The following FLNB variants were observed in gnomAD, a reference collection of about 807,000 sequenced individuals.
FLNB encodes the protein filamin-B.
Under a neutral mutation model 250.6 loss-of-function variants are expected in FLNB, and 111 were observed. The ratio of observed to expected loss-of-function variants is 0.44; its 90% CI spans 0.38 to 0.52. The LOEUF is 0.52. Ranked by LOEUF, FLNB falls within the 20% of genes least tolerant of loss-of-function variation. The pLI, the probability that FLNB is intolerant of heterozygous loss-of-function variation, is 0.00. For synonymous variants in FLNB, 1,302 were observed against 1,372.1 expected, an observed-to-expected ratio of 0.95 and a Z score of 1.13; for missense variants, 2,869 against 3,447.8, an observed-to-expected ratio of 0.83 and a Z score of 4.20.
At chr3:58,106,897 T>C (rs1262483374) in intron 12 of FLNB, 24 bp downstream of exon 12, 1 of 1,607,622 alleles carries the variant, frequency 6.2e-7, no homozygotes, top group African/African-American at 1.3e-5. Flanking sequence ...TGTGCTTCTG[T>C]CTTCTTGTCC....
chr3:58,095,716 A>G (rs976115287), intron 5 of FLNB, among the ~76,000 whole-genome samples: 1 of 152,228 alleles, frequency 6.6e-6, no homozygotes, highest in Non-Finnish European at 1.5e-5. Context: ...GGCATTTAGC[A>G]TAATTTGCAA....
At chr3:58,131,587 C>T (rs962427243) in intron 25 of FLNB, among the ~76,000 whole-genome samples, 10 of 152,204 alleles carry the variant, frequency 6.6e-5, no homozygotes, top group Admixed American at 1.3e-4. Context: ...TAATTTCTTA[C>T]GTAATCTGGA....
At chr3:58,020,230 G>A (rs1407898907) in intron 1 of FLNB, among the ~76,000 whole-genome samples, 3 of 152,108 alleles carry the variant, frequency 2.0e-5, no homozygotes, top group Non-Finnish European at 4.4e-5. Flanking sequence ...CTGGTGGGAG[G>A]GTGTGCTGGG....
chr3:58,049,776 T>G (rs1211683758), intron 1 of FLNB, among the ~76,000 whole-genome samples: 1 of 152,058 alleles, frequency 6.6e-6, no homozygotes, highest in Non-Finnish European at 1.5e-5. Context: ...AAAGGGGGTG[T>G]CAGGACTGTT....
chr3:58,082,177 GC>G (rs1171263291), intron 4 of FLNB, among the ~76,000 whole-genome samples: 2 of 152,164 alleles, frequency 1.3e-5, no homozygotes, highest in Non-Finnish European at 2.9e-5. Flanking sequence ...CAGATTTCCA[GC>G]CGGAGTGGGA....
intron 1 of FLNB, among the ~76,000 whole-genome samples, chr3:58,019,271 G>C (rs2106704140): frequency 6.6e-6 from 1 of 152,304 alleles, no homozygotes; most frequent in South Asian, 2.1e-4. Flanking sequence ...GTACGCCAAT[G>C]AGAATTCCTG....
chr3:58,147,642 C>T (rs531162816), intron 34 of FLNB, among the ~76,000 whole-genome samples: 2 of 152,282 alleles, frequency 1.3e-5, no homozygotes, highest in Admixed American at 1.3e-4. Context: ...GAGGTGCCTT[C>T]AACTAACAAA....
chr3:58,132,778 G>A (rs763820847), intron 25 of FLNB, 30 bp from the exon 26 acceptor site: 1 of 1,613,976 alleles, frequency 6.2e-7, no homozygotes. Flanking sequence ...AGGCCAGGCA[G>A]CTCCTTAAAC....
intron 8 of FLNB, 22 bp from the exon 9 acceptor site, chr3:58,102,181 G>A (rs948928893): frequency 1.2e-6 from 2 of 1,613,950 alleles, no homozygotes; most frequent in African/African-American, 1.3e-5. Flanking sequence ...AGATTGAATT[G>A]ATGTCAAAAC....
At chr3:58,082,774 CA>C (rs11325453) in intron 4 of FLNB, among the ~76,000 whole-genome samples, 67,140 of 142,062 alleles carry the variant, frequency 0.47, 16,799 homozygotes, top group East Asian at 0.94. Context: ...GCCTCCGTCT[CA>C]AAAAAAAAAA....
chr3:58,114,197 C>A (rs1430101913), intron 18 of FLNB, among the ~76,000 whole-genome samples: 1 of 152,166 alleles, frequency 6.6e-6, no homozygotes, highest in East Asian at 1.9e-4. Context: ...CCTCTGTCTC[C>A]TGGGTTCAAG....
chr3:58,095,219 G>GTGTATTTA (rs1252282632), intron 5 of FLNB, among the ~76,000 whole-genome samples: 1 of 95,434 alleles, frequency 1.0e-5, no homozygotes, highest in African/African-American at 4.8e-5. Flanking sequence ...GTCAGTTGAG[G>GTGTATTTA]TTTATGTATG....
At position 58,163,531 on chromosome 3, in the gene FLNB, C is replaced by T. The variant is rs2097365080; in HGVS notation, c.7198+201C>T. The stretch of plus-strand genomic sequence containing the variant: ...CCACGATAAATCCAGAGTGAGAGCT[C>T]GATGGCCGTGTTATCACACCTCATT... On this transcript the variant is annotated intron_variant, in intron 43 of 45. Transcript: ENST00000295956. The T allele has an allele frequency of 2.3e-5, 14 of 597,308 alleles. 1 individual carries two copies. The South Asian group carries it at 2.6e-4, about 11-fold the overall frequency. 37.0% of individuals were successfully genotyped at this position (597,308 alleles called of 1,614,324 possible).
intron 1 of FLNB, among the ~76,000 whole-genome samples, chr3:58,009,629 C>T (rs2097095519): frequency 6.6e-6 from 1 of 152,188 alleles, no homozygotes; most frequent in South Asian, 2.1e-4. Context: ...CCCTACGCAT[C>T]CTGCCATCTG....
intron 29 of FLNB, among the ~76,000 whole-genome samples, chr3:58,141,440 A>G (rs943955730): frequency 2.0e-5 from 3 of 152,178 alleles, no homozygotes; most frequent in Admixed American, 1.3e-4. Context: ...TCAATGTGTC[A>G]TAGGTACCCT....
intron 18 of FLNB, among the ~76,000 whole-genome samples, chr3:58,116,746 T>C (rs1356299106): frequency 6.6e-6 from 1 of 152,184 alleles, no homozygotes; most frequent in Admixed American, 6.5e-5. Flanking sequence ...TTCTCTTGGT[T>C]GTGGGTGGCT....
intron 39 of FLNB, among the ~76,000 whole-genome samples, chr3:58,154,197 G>A (rs1289394182): frequency 1.3e-5 from 2 of 152,046 alleles, no homozygotes; most frequent in African/African-American, 2.4e-5. Context: ...TCCTGCCTTG[G>A]CCTCCTAAAG....
At chr3:58,079,973 A>G (rs1431283032) in intron 3 of FLNB, among the ~76,000 whole-genome samples, 1 of 152,180 alleles carries the variant, frequency 6.6e-6, no homozygotes, top group Non-Finnish European at 1.5e-5. Flanking sequence ...TACATGGCTC[A>G]TTGGTTTCTT....
rs74681951 is a variant in FLNB at position 58,015,884 on chromosome 3, G to A, written c.292+7028G>A. Among the ~76,000 whole-genome samples the A allele has an allele frequency of 1.4e-3, 219 of 152,238 alleles. 3 individuals carry two copies. In the East Asian group the frequency reaches 0.041, roughly 29 times the overall value. On this transcript the variant is annotated intron_variant, in intron 1 of 45. Transcript: ENST00000295956. The stretch of plus-strand genomic sequence containing the variant: ...GGACCTTTCAGCTAAGACCTAAAGC[G>A]TGACTAGAATTAGGCAGGCAAACAG...
Sources: allele counts gnomAD v4.1 joint callset (sites outside exome capture counted in the v4.1 genomes callset), GRCh38; gene constraint gnomAD v4.1.1; transcripts MANE v1.5; gene names NCBI Gene and HGNC (gene_info 2026-07-23, HGNC 2026-07-21).